The following LRRC4C variants were observed in gnomAD, a reference collection of about 807,000 sequenced individuals.
The protein encoded by LRRC4C is leucine-rich repeat-containing protein 4C.
In LRRC4C, 5 loss-of-function variants were observed where a neutral mutation model predicts 33.6. The observed-to-expected ratio is 0.15, with a 90% CI of 0.08 to 0.31. LRRC4C has a LOEUF of 0.31. Among genes scored for constraint, LRRC4C ranks in the 10% least tolerant of loss-of-function variants. The pLI is 1.00. For missense variants in LRRC4C, 560 were observed against 796.7 expected (o/e 0.70, Z 3.58); for synonymous variants, 329 against 302.0 (o/e 1.09, Z -0.93).
At chr11:40,696,301 G>GATATA (rs1945519382) in intron 2 of LRRC4C, among the ~76,000 whole-genome samples, 1 of 91,394 alleles carries the variant, frequency 1.1e-5, no homozygotes, top group African/African-American at 9.5e-5. Context: ...TATATATATG[G>GATATA]TATATATATA....
Position 40,703,999 on chromosome 11 carries a change from A to C in LRRC4C, c.-406-55721T>G, listed in dbSNP as rs144749641. 4.1e-4 allele frequency among the ~76,000 whole-genome samples: 63 copies of C among 152,336 alleles called. No homozygotes were observed. The East Asian group carries it at 0.01, about 25-fold the overall frequency. ...TACCCTCCATATTCACTAGTTTTGCATTCTCAGATTCAACCAATCATGCGC... is the reference window on the plus strand; with the variant it reads ...TACCCTCCATATTCACTAGTTTTGCCTTCTCAGATTCAACCAATCATGCGC... On this transcript the variant is annotated intron_variant, in intron 2 of 6. Transcript: ENST00000528697.
chr11:40,656,221 T>C (rs1167808184), intron 2 of LRRC4C, among the ~76,000 whole-genome samples: 2 of 103,966 alleles, frequency 1.9e-5, no homozygotes, highest in Non-Finnish European at 4.6e-5. Context: ...CTGTTTTTCT[T>C]TTTTTTTTTG....
chr11:41,137,724 C>T lies in LRRC4C; in HGVS notation c.-495-204001G>A, dbSNP rs114211974. On this transcript the variant is annotated intron_variant, in intron 1 of 6. Transcript: ENST00000528697. ...ATATAAATAAAACAAACAAGGTATC[C>T]TTCAGCTATTTTGTCATTTTTGTTA... Among the ~76,000 whole-genome samples the T allele has an allele frequency of 6.2e-3, 942 of 152,246 alleles. 15 individuals are homozygous for T. Among genetic ancestry groups the T allele is most frequent in the African/African-American group, 0.021 (893 of 41,556 alleles).
At chr11:41,427,450 T>C (rs1348130018) in intron 1 of LRRC4C, among the ~76,000 whole-genome samples, 1 of 152,128 alleles carries the variant, frequency 6.6e-6, no homozygotes, top group Non-Finnish European at 1.5e-5. Flanking sequence ...TAAAATGTGC[T>C]TTCCAGAGAA....
chr11:41,263,304 C>T (rs529707413), intron 1 of LRRC4C, among the ~76,000 whole-genome samples: 5 of 152,174 alleles, frequency 3.3e-5, no homozygotes, highest in African/African-American at 9.6e-5. Flanking sequence ...AAATCACATG[C>T]AATAATTCAA....
intron 1 of LRRC4C, among the ~76,000 whole-genome samples, chr11:41,321,245 T>C (rs75613873): frequency 0.018 from 2,702 of 152,248 alleles, 77 homozygotes; most frequent in African/African-American, 0.063. Flanking sequence ...ATCATATTCA[T>C]AGTGTAGGAT....
At chr11:41,405,113 A>G (rs1443808053) in intron 1 of LRRC4C, among the ~76,000 whole-genome samples, 1 of 152,154 alleles carries the variant, frequency 6.6e-6, no homozygotes, top group Non-Finnish European at 1.5e-5. Flanking sequence ...GCTTTTTGGA[A>G]GTTCATATGA....
At chr11:40,665,561 C>T (rs1251257925) in intron 2 of LRRC4C, among the ~76,000 whole-genome samples, 2 of 151,222 alleles carry the variant, frequency 1.3e-5, no homozygotes, top group African/African-American at 4.9e-5. Context: ...CTCATCATCT[C>T]CTCTAATCAT....
At chr11:40,379,958 T>TTAA (rs1948801175) in intron 3 of LRRC4C, among the ~76,000 whole-genome samples, 3 of 152,058 alleles carry the variant, frequency 2.0e-5, no homozygotes, top group Non-Finnish European at 2.9e-5. Flanking sequence ...GTGGATGACT[T>TTAA]TGATGTGAAC....
chr11:40,392,087 G>A (rs1949359900), intron 3 of LRRC4C, among the ~76,000 whole-genome samples: 1 of 152,136 alleles, frequency 6.6e-6, no homozygotes, highest in Non-Finnish European at 1.5e-5. Context: ...ATGACATTCT[G>A]GGAAAGGCAG....
At chr11:40,152,445 C>T (rs1858300889) in intron 5 of LRRC4C, among the ~76,000 whole-genome samples, 2 of 152,092 alleles carry the variant, frequency 1.3e-5, no homozygotes, top group African/African-American at 2.4e-5. Context: ...GCCTCTTGGC[C>T]AGAACTCAAG....
At chr11:40,138,489 C>T (rs567632751) in intron 6 of LRRC4C, among the ~76,000 whole-genome samples, 2 of 152,184 alleles carry the variant, frequency 1.3e-5, no homozygotes, top group Non-Finnish European at 2.9e-5. Context: ...TAATCCTAAC[C>T]AAACCTCATG....
At chr11:41,301,410 A>C (rs1444990263) in intron 1 of LRRC4C, among the ~76,000 whole-genome samples, 1 of 152,220 alleles carries the variant, frequency 6.6e-6, no homozygotes, top group African/African-American at 2.4e-5. Context: ...GGGTGGGAAA[A>C]ACCTAAAAAG....
At chr11:40,194,870 C>G (rs11035731) in intron 5 of LRRC4C, among the ~76,000 whole-genome samples, 70,953 of 151,696 alleles carry the variant, frequency 0.47, 17,278 homozygotes, top group South Asian at 0.64. Flanking sequence ...GGGCGGATCA[C>G]GAGGTCAGGA....
chr11:40,454,726 A>G (rs1952054467), intron 3 of LRRC4C, among the ~76,000 whole-genome samples: 1 of 152,190 alleles, frequency 6.6e-6, no homozygotes, highest in Non-Finnish European at 1.5e-5. Context: ...ATTGGGGCTC[A>G]ATGTAATGAA....
intron 3 of LRRC4C, among the ~76,000 whole-genome samples, chr11:40,562,532 A>AGG (rs34068950): frequency 2.1e-3 from 60 of 28,994 alleles, no homozygotes; most frequent in Admixed American, 5.5e-3. Context: ...ATGAGGAAAC[A>AGG]CTCCCATAAA....
chr11:40,882,889 A>C (rs1039213281), intron 2 of LRRC4C, among the ~76,000 whole-genome samples: 1 of 152,088 alleles, frequency 6.6e-6, no homozygotes, highest in Non-Finnish European at 1.5e-5. Context: ...TAATGCACAT[A>C]AACTTCTAAA....
intron 3 of LRRC4C, among the ~76,000 whole-genome samples, chr11:40,452,055 C>T (rs190891906): frequency 1.0e-3 from 159 of 152,140 alleles, no homozygotes; most frequent in Admixed American, 9.8e-3. Flanking sequence ...CCAAGGAAAG[C>T]GGTGACAGAC....
At chr11:41,072,243 T>G (rs1938740401) in intron 1 of LRRC4C, among the ~76,000 whole-genome samples, 1 of 32,346 alleles carries the variant, frequency 3.1e-5, no homozygotes, top group African/African-American at 9.5e-5. Flanking sequence ...TATAGAGAAA[T>G]CTTTCTTGAA....
Sources: allele counts gnomAD v4.1 joint callset (sites outside exome capture counted in the v4.1 genomes callset), GRCh38; gene constraint gnomAD v4.1.1; transcripts MANE v1.5; gene names NCBI Gene and HGNC (gene_info 2026-07-23, HGNC 2026-07-21).